Variants in AOX1 observed in about 807,000 individuals in gnomAD.
AOX1 encodes aldehyde oxidase.
A neutral mutation model predicts 169.5 loss-of-function variants in AOX1; 153 were observed. That is an observed-to-expected ratio of 0.90 (90% CI 0.79 to 1.03). The LOEUF is 1.03. AOX1 is among the 50% of genes least tolerant of loss of function. The pLI is 0.00. For missense variants in AOX1, 1,656 were observed against 1,663.9 expected, an observed-to-expected ratio of 1.00 and a Z score of 0.08; for synonymous variants, 562 against 581.9, an observed-to-expected ratio of 0.97 and a Z score of 0.49.
At chr2:200,675,062 C>T (rs139696136), downstream of AOX1, among the ~76,000 whole-genome samples, 324 of 152,304 alleles carry the variant, frequency 2.1e-3, no homozygotes, top group Middle Eastern at 0.01. Context: ...TCACATCAGA[C>T]GCTATCCTGC....
At chr2:200,614,109 T>A in intron 15 of AOX1, 143 bp downstream of exon 15, 1 of 766,952 alleles carries the variant, frequency 1.3e-6, no homozygotes, top group Non-Finnish European at 2.0e-6. Flanking sequence ...TGAACATCCC[T>A]CAGCCTGTCT....
At chr2:200,672,019 A>C (rs2036036709), downstream of AOX1, among the ~76,000 whole-genome samples, 1 of 152,210 alleles carries the variant, frequency 6.6e-6, no homozygotes, top group African/African-American at 2.4e-5. Context: ...CCTTGAAAAC[A>C]TTGTCTAAAT....
Position 200,661,641 on chromosome 2 carries a change from C to T in AOX1, c.3428+10C>T, listed in dbSNP as rs771048906. ...CTGTTGGATACTTCAGGTAAATACT[C>T]CCTCTGATCACATGCTATGGAGAAG... On this transcript the variant is annotated intron_variant, in intron 30 of 34. Transcript: ENST00000374700. The T allele has an allele frequency of 2.5e-6, 4 of 1,600,304 alleles. No homozygotes were observed. In the East Asian group the frequency reaches 8.9e-5, roughly 36 times the overall value.
chr2:200,642,766 G>C lies in AOX1; in HGVS notation c.2812G>C (p.Glu938Gln), dbSNP rs1041668035. 2.5e-6 allele frequency: 4 copies of C among 1,613,706 alleles called. No homozygotes were observed. Among genetic ancestry groups the C allele is most frequent in the Non-Finnish European group, 3.4e-6 (4 of 1,179,868 alleles). ...GCTGATCACCGAATCTTGTATCACG[G>C]AAGTTGCAGCCAAATGTGGACTATC... ...AALITESCIT[E>Q]VAAKCGLSPE... Residue 938 changes from glutamate to glutamine, a missense_variant, in exon 25 of 35, where the codon GAA (glutamate) becomes CAA (glutamine). Coordinates refer to ENST00000374700, the MANE Select transcript of AOX1 (RefSeq NM_001159.4).
intron 25 of AOX1, among the ~76,000 whole-genome samples, chr2:200,645,742 C>T (rs1348921983): frequency 6.6e-6 from 1 of 152,026 alleles, no homozygotes; most frequent in Non-Finnish European, 1.5e-5. Context: ...CCATTTCAAT[C>T]TCGCTCTTGT....
chr2:200,668,659 G>A lies in AOX1; in HGVS notation c.3654G>A (p.Glu1218=), dbSNP rs201189717. The change falls in exon 33 of 35, where the codon GAG becomes GAA. Residue 1218 remains glutamate, a synonymous_variant. Transcript: ENST00000374700. ...FIQGMGLYTI[E]ELNYSPQGIL... ...AAGGCATGGGACTTTATACAATAGA[G>A]GAACTGAATTATTCTCCCCAGGGCA... is the stretch of plus-strand genomic sequence containing the variant. 34 of 1,613,824 alleles carry A rather than the reference G, an allele frequency of 2.1e-5. No individual in the cohort carries two copies. Among genetic ancestry groups the A allele is most frequent in the Non-Finnish European group, 2.5e-5 (29 of 1,179,984 alleles).
At chr2:200,681,356 CT>C (rs1329968014), downstream of AOX1, 1 of 152,638 alleles carries the variant, frequency 6.6e-6, no homozygotes, top group Non-Finnish European at 1.5e-5. Context: ...GTGTCCTTTG[CT>C]TTTACGAAGG....
chr2:200,637,453 A>G (rs2035258159), intron 22 of AOX1, among the ~76,000 whole-genome samples: 3 of 151,956 alleles, frequency 2.0e-5, no homozygotes, highest in Admixed American at 2.0e-4. Context: ...ACATACACAC[A>G]TATATGTTTA....
chr2:200,597,999 C>T (rs903308406), intron 4 of AOX1, among the ~76,000 whole-genome samples: 3 of 151,794 alleles, frequency 2.0e-5, no homozygotes, highest in Non-Finnish European at 4.4e-5. Flanking sequence ...CCTGGCTACT[C>T]GGGGGTGCTG....
intron 34 of AOX1, among the ~76,000 whole-genome samples, chr2:200,669,979 G>C (rs1349667635): frequency 6.6e-6 from 1 of 151,984 alleles, no homozygotes; most frequent in East Asian, 1.9e-4. Context: ...TTTGACAAAA[G>C]AAAGTTCATT....
chr2:200,667,530 T>G (rs1189059947), intron 32 of AOX1, among the ~76,000 whole-genome samples: 1 of 145,090 alleles, frequency 6.9e-6, no homozygotes, highest in Non-Finnish European at 1.5e-5. Flanking sequence ...AAAGGAGGCT[T>G]AGGGAGGAAG....
chr2:200,636,020 C>A lies in AOX1; in HGVS notation c.2347-891C>A, dbSNP rs190934053. Among the ~76,000 whole-genome samples, 9 of 151,800 alleles carry A rather than the reference C, an allele frequency of 5.9e-5. No individual in the cohort carries two copies. The East Asian group carries it at 1.7e-3, about 29-fold the overall frequency. On this transcript the variant is annotated intron_variant, in intron 21 of 34. Transcript: ENST00000374700. ...AGAATCAATTGTTAAGACTAAATGACCCCTAATCATTAGGATGGCAGAAAA... is the reference window on the plus strand; with the variant it reads ...AGAATCAATTGTTAAGACTAAATGAACCCTAATCATTAGGATGGCAGAAAA...
At chr2:200,625,142 A>G (rs2034974576) in intron 19 of AOX1, among the ~76,000 whole-genome samples, 1 of 152,186 alleles carries the variant, frequency 6.6e-6, no homozygotes, top group Admixed American at 6.5e-5. Flanking sequence ...TCGAAGTGTG[A>G]TTAGGCCTCC....
Position 200,599,846 on chromosome 2 carries a change from G to A in AOX1, c.436+100G>A, listed in dbSNP as rs543181814. The A allele has an allele frequency of 1.1e-4, 113 of 991,510 alleles. 1 individual carries two copies. In the African/African-American group the frequency reaches 1.6e-3, roughly 14 times the overall value. The allele number at this position is 991,510 out of a possible 1,614,324, so 61.4% of individuals were successfully genotyped here. A position where few individuals can be genotyped will look rare whatever the true frequency, so the allele number is the denominator to read the frequency against. On this transcript the variant is annotated intron_variant, in intron 5 of 34. Coordinates refer to ENST00000374700, the MANE Select transcript of AOX1 (RefSeq NM_001159.4). ...GTTGCCCGGGCTGGAGGGCGGCGGC[G>A]CAATCTTGGCCCCACTGTAACCTCC...
downstream of AOX1, chr2:200,679,283 T>C (rs2036133909): frequency 6.6e-6 from 1 of 152,192 alleles, no homozygotes; most frequent in Admixed American, 6.5e-5. Flanking sequence ...CTGTGCCAAT[T>C]CTTTTTGGCT....
downstream of AOX1, among the ~76,000 whole-genome samples, chr2:200,674,972 G>A (rs566101599): frequency 6.6e-6 from 1 of 152,174 alleles, no homozygotes; most frequent in Non-Finnish European, 1.5e-5. Context: ...GTAACATCAC[G>A]CCGGGGCAAT....
chr2:200,610,679 A>C (rs1401860421), intron 12 of AOX1, among the ~76,000 whole-genome samples: 1 of 152,140 alleles, frequency 6.6e-6, no homozygotes, highest in East Asian at 1.9e-4. Context: ...ATAAACAATA[A>C]ATATTTGTTG....
Position 200,657,167 on chromosome 2 carries a change from T to A in AOX1, c.3171+230T>A, listed in dbSNP as rs200647070. On this transcript the variant is annotated intron_variant, in intron 27 of 34. Coordinates refer to ENST00000374700, the MANE Select transcript of AOX1 (RefSeq NM_001159.4). ...AGGGAGATTCCATCTCTACCAAAAA[T>A]ATATATATATATATATATATATATT... is the stretch of plus-strand genomic sequence containing the variant. Among the ~76,000 whole-genome samples, 362 of 76,302 alleles carry A rather than the reference T, an allele frequency of 4.7e-3. 3 individuals are homozygous for A. Among genetic ancestry groups the A allele is most frequent in the Admixed American group, 0.011 (72 of 6,574 alleles). The allele number at this position is 76,302 out of a possible 152,430, so 50.1% of individuals were successfully genotyped here. A position where few individuals can be genotyped will look rare whatever the true frequency, so the allele number is the denominator to read the frequency against.
At chr2:200,666,636 C>G (rs778478161) in intron 31 of AOX1, 51 bp from the exon 32 acceptor site, 4 of 1,393,508 alleles carry the variant, frequency 2.9e-6, no homozygotes, top group Non-Finnish European at 3.0e-6. Context: ...AGCTTCTTCT[C>G]CCTAAGTTAT....
Sources: gnomAD v4.1 joint callset for allele counts (sites outside exome capture counted in the v4.1 genomes callset) on GRCh38, gnomAD v4.1.1 for gene constraint, MANE v1.5 for transcripts, NCBI Gene and HGNC (gene_info 2026-07-23, HGNC 2026-07-21) for gene names.